The following AFF4 variants were observed in gnomAD, a reference collection of about 807,000 sequenced individuals.
AFF4 encodes ALF transcription elongation factor 4, also known as AF4/FMR2 family member 4.
In AFF4, 13 loss-of-function variants were observed where a neutral mutation model predicts 124.8. The ratio of observed to expected loss-of-function variants is 0.10; its 90% CI spans 0.07 to 0.17. AFF4 has a LOEUF of 0.17. Among genes scored for constraint, AFF4 ranks in the 10% least tolerant of loss-of-function variants. The pLI is 1.00. For missense variants in AFF4, 1,092 were observed against 1,403.8 expected, an observed-to-expected ratio of 0.78 and a Z score of 3.55; for synonymous variants, 477 against 496.1, an observed-to-expected ratio of 0.96 and a Z score of 0.51.
intron 5 of AFF4, among the ~76,000 whole-genome samples, chr5:132,919,016 G>C (rs537165439): frequency 2.0e-5 from 3 of 152,090 alleles, no homozygotes; most frequent in Non-Finnish European, 2.9e-5. Context: ...GAGTAGCTGG[G>C]ATTACAGGTG....
intron 1 of AFF4, among the ~76,000 whole-genome samples, chr5:132,959,038 C>T (rs191615359): frequency 6.6e-6 from 1 of 152,216 alleles, no homozygotes; most frequent in Admixed American, 6.5e-5. Flanking sequence ...GTTTCCTTGC[C>T]TAAAAGCCAC....
chr5:132,912,452 C>T (rs567152606), intron 5 of AFF4, among the ~76,000 whole-genome samples: 8 of 152,160 alleles, frequency 5.3e-5, no homozygotes, highest in Non-Finnish European at 1.2e-4. Flanking sequence ...CCAAGACCTC[C>T]GGGGCTCAAG....
At chr5:132,923,013 A>G (rs900368640) in intron 5 of AFF4, among the ~76,000 whole-genome samples, 1 of 151,772 alleles carries the variant, frequency 6.6e-6, no homozygotes, top group South Asian at 2.1e-4. Flanking sequence ...CGCCTCTACT[A>G]AAAACACAAA....
intron 4 of AFF4, chr5:132,927,654 C>T (rs948032914): frequency 3.2e-5 from 5 of 155,802 alleles, no homozygotes; most frequent in African/African-American, 1.2e-4. Context: ...GAGGTAGATA[C>T]CATTATTATC....
rs1760162741 is a variant in AFF4 at position 132,888,096 on chromosome 5, C to T, written c.2796+1G>A. Reference sequence around the variant, plus strand: ...TAAGTGTAAGGAGAATATCTACATACCAATGCATCTGCATTGTGCTTTAGC... The same window carrying T: ...TAAGTGTAAGGAGAATATCTACATATCAATGCATCTGCATTGTGCTTTAGC... On this transcript the variant is annotated splice_donor_variant, in intron 15 of 20. Transcript: ENST00000265343. LOFTEE classifies it high-confidence loss of function. 1 of 1,610,572 alleles carries T rather than the reference C, an allele frequency of 6.2e-7. No homozygotes were observed. The highest frequency in any genetic ancestry group is 8.5e-7 in the Non-Finnish European group (1 of 1,177,572).
intron 3 of AFF4, among the ~76,000 whole-genome samples, chr5:132,932,777 GTCTT>G (rs1435592534): frequency 6.6e-6 from 1 of 152,176 alleles, no homozygotes; most frequent in Non-Finnish European, 1.5e-5. Flanking sequence ...ATTTTACATA[GTCTT>G]TCTAAGTCAC....
Position 132,880,936 on chromosome 5 carries a change from A to C in AFF4, c.*123T>G, listed in dbSNP as rs1261005929. 1 of 1,288,084 alleles carries C rather than the reference A, an allele frequency of 7.8e-7. No homozygotes were observed. The highest frequency in any genetic ancestry group is 1.1e-6 in the Non-Finnish European group (1 of 945,936). 79.8% of individuals were successfully genotyped at this position (1,288,084 alleles called of 1,614,324 possible). A position where few individuals can be genotyped will look rare whatever the true frequency, so the allele number is the denominator to read the frequency against. On this transcript the variant is annotated 3_prime_UTR_variant, in exon 21 of 21. Transcript: ENST00000265343. ...GATTATCAAAAACAACAACACATGA[A>C]CCAACGAGGAGAAAACTATTCCTCA...
intron 4 of AFF4, among the ~76,000 whole-genome samples, chr5:132,929,768 TAGAG>T (rs1453103501): frequency 2.0e-5 from 3 of 152,214 alleles, no homozygotes; most frequent in Non-Finnish European, 2.9e-5. Context: ...TCTATAATCT[TAGAG>T]AGCCACTGAA....
At chr5:132,946,431 C>G (rs972134693) in intron 1 of AFF4, among the ~76,000 whole-genome samples, 1 of 152,100 alleles carries the variant, frequency 6.6e-6, no homozygotes, top group Admixed American at 6.6e-5. Context: ...CAACAGATGA[C>G]GATCCATCAA....
At chr5:132,887,291 C>T (rs1760141612) in intron 17 of AFF4, among the ~76,000 whole-genome samples, 1 of 152,208 alleles carries the variant, frequency 6.6e-6, no homozygotes, top group South Asian at 2.1e-4. Flanking sequence ...TTTCTACTAT[C>T]AGTCTCACAA....
rs544155433 is a variant in AFF4, at chr5:132,961,628, C to G, written c.-5+1631G>C. 3.9e-5 allele frequency among the ~76,000 whole-genome samples: 6 copies of G among 152,228 alleles called. No individual in the cohort carries two copies. In the East Asian group the frequency reaches 9.6e-4, roughly 24 times the overall value. ...CTGACAAGTAGAAAGTGACTCAGAA[C>G]AAAAATATTCAATCTTTAAGAATTC... On this transcript the variant is annotated intron_variant, in intron 1 of 20. Transcript: ENST00000265343.
At chr5:132,930,429 T>C (rs554441386) in intron 4 of AFF4, among the ~76,000 whole-genome samples, 1 of 151,950 alleles carries the variant, frequency 6.6e-6, no homozygotes, top group Non-Finnish European at 1.5e-5. Context: ...AAAAAATACA[T>C]AGCAGAAAGA....
intron 18 of AFF4, 62 bp downstream of exon 18, chr5:132,886,248 G>T: frequency 7.0e-7 from 1 of 1,422,366 alleles, no homozygotes; most frequent in Non-Finnish European, 9.8e-7. Flanking sequence ...GTTCTCAGAT[G>T]GGGATGGGAG....
intron 5 of AFF4, among the ~76,000 whole-genome samples, chr5:132,915,568 GTT>G (rs34458324): frequency 0.32 from 39,321 of 122,336 alleles, 5,218 homozygotes; most frequent in East Asian, 0.44. Flanking sequence ...TTTTTTTTGG[GTT>G]TTTTTTTTTT....
In AFF4 at chr5:132,896,586, C is replaced by T. The variant is rs1262499030; in HGVS notation, c.2044G>A (p.Glu682Lys). The T allele has an allele frequency of 6.2e-7, 1 of 1,613,910 alleles. No individual in the cohort carries two copies. Among genetic ancestry groups the T allele is most frequent in the Non-Finnish European group, 8.5e-7 (1 of 1,180,030 alleles). Residue 682 changes from glutamate (E) to lysine (K), a missense_variant, in exon 11 of 21, where the codon GAG (glutamate) becomes AAG (lysine). By Grantham distance (56) the Glu-to-Lys change is moderately conservative. Coordinates refer to ENST00000265343, the MANE Select transcript of AFF4 (RefSeq NM_014423.4). ...TGCCGAAAAAAGCTATCTTCTTCCT[C>T]CACTGAGGAGGGTTTAACAGGAGTC... is the stretch of plus-strand genomic sequence containing the variant. The part of the protein sequence containing the change: ...NRTPVKPSSV[E>K]EEDSFFRQRM...
intron 1 of AFF4, among the ~76,000 whole-genome samples, chr5:132,959,220 G>C (rs1762026839): frequency 6.6e-6 from 1 of 151,508 alleles, no homozygotes; most frequent in African/African-American, 2.4e-5. Context: ...CCGCCTCCCA[G>C]GTTCAAGCGA....
At position 132,875,691 on chromosome 5, in the gene AFF4, T is replaced by C. The variant is rs1464232392; in HGVS notation, c.*5368A>G. On this transcript the variant is annotated 3_prime_UTR_variant, in exon 21 of 21. Transcript: ENST00000265343. ...AATACTTTGCTCACCATTAACAGCT[T>C]TATCGTGTGAAATGCACATACTGAC... 9.9e-6 allele frequency: 2 copies of C among 202,768 alleles called. No homozygotes were observed. The highest frequency in any genetic ancestry group is 2.0e-5 in the Non-Finnish European group (2 of 98,554). The allele number at this position is 202,768 out of a possible 1,614,324, so 12.6% of individuals were successfully genotyped here.
At chr5:132,899,042 C>G in intron 9 of AFF4, 62 bp downstream of exon 9, 2 of 1,435,208 alleles carry the variant, frequency 1.4e-6, no homozygotes, top group African/African-American at 2.8e-5. Flanking sequence ...TATTATATCC[C>G]TGCAATGTTA....
At chr5:132,927,083 T>C (rs1345281188) in intron 5 of AFF4, 38 bp downstream of exon 5, 1 of 1,563,678 alleles carries the variant, frequency 6.4e-7, no homozygotes, top group East Asian at 2.3e-5. Context: ...CCATTTAGAG[T>C]TTTCTTACAT....
Sources: allele counts gnomAD v4.1 joint callset (sites outside exome capture counted in the v4.1 genomes callset), GRCh38; gene constraint gnomAD v4.1.1; transcripts MANE v1.5; gene names NCBI Gene and HGNC (gene_info 2026-07-23, HGNC 2026-07-21).